BCAR3: variants seen among roughly 807,000 people sequenced by gnomAD.
The protein encoded by BCAR3 is BCAR3 adaptor protein, NSP family member, also known as breast cancer anti-estrogen resistance protein 3.
A neutral mutation model predicts 80.1 loss-of-function variants in BCAR3; 37 were observed. The ratio of observed to expected loss-of-function variants is 0.46; its 90% CI spans 0.36 to 0.61. The LOEUF is 0.61. Among genes scored for constraint, BCAR3 ranks in the 20% least tolerant of loss-of-function variants. The probability of loss-of-function intolerance (pLI) is 0.00; values close to 1 mark genes in which losing one functional copy is unlikely to be tolerated. For missense variants in BCAR3, 978 were observed against 1,068.2 expected, an observed-to-expected ratio of 0.92 and a Z score of 1.18; for synonymous variants, 389 against 418.9, an observed-to-expected ratio of 0.93 and a Z score of 0.87.
At chr1:93,656,932 T>C (rs1647415854) in intron 2 of BCAR3, among the ~76,000 whole-genome samples, 1 of 152,198 alleles carries the variant, frequency 6.6e-6, no homozygotes, top group Non-Finnish European at 1.5e-5. Context: ...TTTCACTCTT[T>C]GGGGCTTCTT....
intron 2 of BCAR3, among the ~76,000 whole-genome samples, chr1:93,642,779 G>A (rs1044803936): frequency 3.3e-5 from 5 of 152,244 alleles, no homozygotes; most frequent in Non-Finnish European, 7.3e-5. Context: ...TAAGAAGAGA[G>A]AGGCTTAGGT....
At chr1:93,657,668 T>G (rs1647450650) in intron 2 of BCAR3, among the ~76,000 whole-genome samples, 1 of 151,482 alleles carries the variant, frequency 6.6e-6, no homozygotes, top group Non-Finnish European at 1.5e-5. Flanking sequence ...AAAATAATTT[T>G]GAACATTGAA....
At chr1:93,739,090 G>A (rs979017024) in intron 2 of BCAR3, among the ~76,000 whole-genome samples, 7 of 152,198 alleles carry the variant, frequency 4.6e-5, no homozygotes, top group Non-Finnish European at 8.8e-5. Context: ...CCTCTGTGCT[G>A]TAGGTGTTAA....
At chr1:93,790,628 G>GAATTCATTC (rs1653112324) in intron 2 of BCAR3, among the ~76,000 whole-genome samples, 1 of 79,220 alleles carries the variant, frequency 1.3e-5, no homozygotes, top group African/African-American at 6.9e-5. Context: ...TTTTTTTTTT[G>GAATTCATTC]TATTCATTTT....
chr1:93,757,685 C>T (rs1198879292), intron 2 of BCAR3, among the ~76,000 whole-genome samples: 2 of 152,188 alleles, frequency 1.3e-5, no homozygotes, highest in Admixed American at 6.5e-5. Flanking sequence ...ATTCATCACC[C>T]TCCCAATCTC....
At chr1:93,717,630 A>G (rs1296788768) in intron 2 of BCAR3, among the ~76,000 whole-genome samples, 1 of 147,856 alleles carries the variant, frequency 6.8e-6, no homozygotes, top group Non-Finnish European at 1.5e-5. Flanking sequence ...CAGGAAGCTG[A>G]GGTAGTGGAA....
intron 2 of BCAR3, among the ~76,000 whole-genome samples, chr1:93,762,234 C>G (rs1651971675): frequency 6.6e-6 from 1 of 152,238 alleles, no homozygotes; most frequent in Non-Finnish European, 1.5e-5. Flanking sequence ...TTTCATGATG[C>G]ACAGTTAACA....
intron 2 of BCAR3, among the ~76,000 whole-genome samples, chr1:93,811,635 A>T (rs763426933): frequency 1.3e-5 from 2 of 152,230 alleles, no homozygotes; most frequent in African/African-American, 2.4e-5. Flanking sequence ...AACTGTTGTT[A>T]ACTGATGCTC....
intron 2 of BCAR3, among the ~76,000 whole-genome samples, chr1:93,786,519 A>C (rs1652953116): frequency 6.6e-6 from 1 of 152,198 alleles, no homozygotes; most frequent in Non-Finnish European, 1.5e-5. Flanking sequence ...CAGATTCATA[A>C]TCAAAATAAA....
intron 1 of BCAR3, among the ~76,000 whole-genome samples, chr1:93,846,360 G>T (rs1163476984): frequency 6.6e-6 from 1 of 152,218 alleles, no homozygotes; most frequent in Non-Finnish European, 1.5e-5. Flanking sequence ...GCCGCCCTGC[G>T]AATCCTCCGT....
At chr1:93,845,472 A>C (rs1038414261) in intron 2 of BCAR3, 3 of 1,442 alleles carry the variant, frequency 2.1e-3, no homozygotes, top group Non-Finnish European at 3.7e-3. Context: ...TTATATATAT[A>C]TATATATATA....
At chr1:93,639,084 A>G (rs1335704094) in intron 3 of BCAR3, among the ~76,000 whole-genome samples, 2 of 152,164 alleles carry the variant, frequency 1.3e-5, no homozygotes, top group Non-Finnish European at 2.9e-5. Context: ...CCTGCTGGAC[A>G]AGGTAAAAGA....
At chr1:93,818,405 C>G (rs2100814936) in intron 2 of BCAR3, among the ~76,000 whole-genome samples, 1 of 152,288 alleles carries the variant, frequency 6.6e-6, no homozygotes, top group East Asian at 1.9e-4. Flanking sequence ...TGGTCTATGC[C>G]TACCACGCAA....
chr1:93,711,146 A>G (rs1650009065), intron 2 of BCAR3, among the ~76,000 whole-genome samples: 1 of 152,258 alleles, frequency 6.6e-6, no homozygotes, highest in African/African-American at 2.4e-5. Flanking sequence ...TAATATCAGA[A>G]GCAACACATC....
intron 3 of BCAR3, among the ~76,000 whole-genome samples, chr1:93,687,614 A>C (rs1355601735): frequency 6.6e-6 from 1 of 152,174 alleles, no homozygotes; most frequent in Non-Finnish European, 1.5e-5. Flanking sequence ...GCCACACTTA[A>C]ATTTTTAAAT....
chr1:93,722,713 G>C (rs1283330557), intron 2 of BCAR3, among the ~76,000 whole-genome samples: 2 of 152,258 alleles, frequency 1.3e-5, no homozygotes, highest in Admixed American at 6.5e-5. Flanking sequence ...CTTGTGTTCC[G>C]GGCTGGGCTC....
chr1:93,813,693 G>T (rs1653924416), intron 2 of BCAR3, among the ~76,000 whole-genome samples: 1 of 152,288 alleles, frequency 6.6e-6, no homozygotes, highest in South Asian at 2.1e-4. Flanking sequence ...AAGACATTCT[G>T]TTATGTAAAC....
At chr1:93,595,744 T>C (rs1325106030) in intron 3 of BCAR3, among the ~76,000 whole-genome samples, 3 of 152,216 alleles carry the variant, frequency 2.0e-5, no homozygotes, top group African/African-American at 7.2e-5. Flanking sequence ...ATATAACAAA[T>C]TGTGGCAAAA....
At chr1:93,597,447 A>G (rs1674462108) in intron 3 of BCAR3, among the ~76,000 whole-genome samples, 1 of 152,244 alleles carries the variant, frequency 6.6e-6, no homozygotes, top group African/African-American at 2.4e-5. Flanking sequence ...AAAGTGTTAC[A>G]GCAAGGTGTT....
Sources: allele counts gnomAD v4.1 joint callset (sites outside exome capture counted in the v4.1 genomes callset), GRCh38; gene constraint gnomAD v4.1.1; transcripts MANE v1.5; gene names NCBI Gene and HGNC (gene_info 2026-07-23, HGNC 2026-07-21).